The following LRRC63 variants were observed in gnomAD, a reference collection of about 807,000 sequenced individuals.
The protein encoded by LRRC63 is leucine rich repeat containing 63, also known as leucine-rich repeat-containing protein 63.
LRRC63 carries 40 observed loss-of-function variants against 49.5 expected under a neutral mutation model. The ratio of observed to expected loss-of-function variants is 0.81; its 90% CI spans 0.63 to 1.05. The LOEUF (loss-of-function observed/expected upper bound fraction) is 1.05. Ranked by LOEUF, LRRC63 falls within the 50% of genes least tolerant of loss-of-function variation. The pLI is 0.00. For missense variants in LRRC63, 636 were observed against 663.1 expected (o/e 0.96, Z 0.45); for synonymous variants, 191 against 221.1 (o/e 0.86, Z 1.21).
intron 7 of LRRC63, among the ~76,000 whole-genome samples, chr13:46,254,249 G>A (rs2047454285): frequency 6.6e-6 from 1 of 152,090 alleles, no homozygotes; most frequent in African/African-American, 2.4e-5. Context: ...TGTGAGAAGA[G>A]TGATTAGACA....
rs1389692539 is a variant in LRRC63 at position 46,240,765 on chromosome 13, C to T, written c.991-5762C>T. ...ATAAAGAATAAGATCTTTAGGAATA[C>T]AGCTAACCAAGGATGTGAACGATCT... On this transcript the variant is annotated intron_variant, in intron 5 of 9. Coordinates refer to ENST00000595396, the Ensembl canonical transcript of LRRC63. 3.3e-5 allele frequency among the ~76,000 whole-genome samples: 5 copies of T among 152,250 alleles called. No homozygotes were observed. The South Asian group carries it at 8.3e-4, about 25-fold the overall frequency.
chr13:46,257,150 C>G (rs578022912), intron 7 of LRRC63, among the ~76,000 whole-genome samples: 1 of 152,186 alleles, frequency 6.6e-6, no homozygotes, highest in East Asian at 1.9e-4. Context: ...AGGAAGGGAG[C>G]CATGAGTCAA....
At chr13:46,271,467 C>T (rs1405410121) in intron 9 of LRRC63, among the ~76,000 whole-genome samples, 1 of 152,142 alleles carries the variant, frequency 6.6e-6, no homozygotes, top group African/African-American at 2.4e-5. Context: ...ACAAGATGGC[C>T]TTCCCCTCTG....
intron 7 of LRRC63, among the ~76,000 whole-genome samples, chr13:46,253,908 A>G (rs1185977343): frequency 2.6e-5 from 4 of 152,138 alleles, no homozygotes; most frequent in African/African-American, 9.7e-5. Context: ...AGACCTATTA[A>G]CCTCACAGGA....
At chr13:46,232,831 G>T (rs1460563289) in intron 4 of LRRC63, among the ~76,000 whole-genome samples, 2 of 152,096 alleles carry the variant, frequency 1.3e-5, no homozygotes, top group East Asian at 3.8e-4. Flanking sequence ...GTTTCAAATG[G>T]ATTTAAAAGT....
chr13:46,256,461 C>T (rs2047512467), intron 7 of LRRC63, among the ~76,000 whole-genome samples: 1 of 152,174 alleles, frequency 6.6e-6, no homozygotes, highest in African/African-American at 2.4e-5. Context: ...AAGCAGGTGG[C>T]AGAGCTGGGA....
Position 46,214,682 on chromosome 13 carries a change from G to A in LRRC63, c.85+1563G>A, listed in dbSNP as rs151016328. On this transcript the variant is annotated intron_variant, in intron 2 of 9. Transcript: ENST00000595396. ...AAAAAGCAGGATACATGCACAGAAC[G>A]TGCAGGTTTGTTACATAGGTATACA... Among the ~76,000 whole-genome samples, 81 of 150,732 alleles carry A rather than the reference G, an allele frequency of 5.4e-4. No homozygotes were observed. In the East Asian group the frequency reaches 0.013, roughly 24 times the overall value.
In LRRC63 at chr13:46,223,485, T is replaced by G. The variant is rs76616054; in HGVS notation, c.86-4027T>G. On this transcript the variant is annotated intron_variant, in intron 2 of 9. Transcript: ENST00000595396. ...TCTTCTTGGCTGACAGTTTTTTTTG[T>G]TTTTTTTTTTTTTTAATTTCAGCAC... Among the ~76,000 whole-genome samples the G allele has an allele frequency of 6.1e-3, 817 of 133,864 alleles. 26 individuals are homozygous for G. The highest frequency in any genetic ancestry group is 0.047 in the Admixed American group (640 of 13,654). The allele number at this position is 133,864 out of a possible 152,430, so 87.8% of individuals were successfully genotyped here. A position where few individuals can be genotyped will look rare whatever the true frequency, so the allele number is the denominator to read the frequency against.
intron 7 of LRRC63, among the ~76,000 whole-genome samples, chr13:46,259,809 T>C (rs570681829): frequency 6.6e-6 from 1 of 152,308 alleles, no homozygotes; most frequent in East Asian, 1.9e-4. Context: ...TAAATTACCA[T>C]ATAGTAGGCT....
chr13:46,216,415 G>T (rs2046253011), intron 2 of LRRC63, among the ~76,000 whole-genome samples: 1 of 152,152 alleles, frequency 6.6e-6, no homozygotes, highest in Non-Finnish European at 1.5e-5. Flanking sequence ...GTGGCTCTCT[G>T]TTTGTCTGTT....
chr13:46,255,449 A>G (rs931857078), intron 7 of LRRC63, among the ~76,000 whole-genome samples: 1 of 152,002 alleles, frequency 6.6e-6, no homozygotes, highest in Non-Finnish European at 1.5e-5. Context: ...TCTATATTTT[A>G]CTATAACAAA....
Position 46,213,125 on chromosome 13 carries a change from T to C in LRRC63, c.85+6T>C. The C allele has an allele frequency of 6.6e-7, 1 of 1,509,562 alleles. No individual in the cohort carries two copies. Among genetic ancestry groups the C allele is most frequent in the Non-Finnish European group, 9.0e-7 (1 of 1,113,748 alleles). 93.5% of individuals were successfully genotyped at this position (1,509,562 alleles called of 1,614,324 possible). A position where few individuals can be genotyped will look rare whatever the true frequency, so the allele number is the denominator to read the frequency against. On this transcript the variant is annotated splice_donor_region_variant and intron_variant, in intron 2 of 9. Transcript: ENST00000595396. ...TGAGAAAAAAACCCATACAGGTATG[T>C]GTATTAATCAGATATGTGTATTAAC...
At chr13:46,253,502 T>A (rs948541888) in intron 7 of LRRC63, among the ~76,000 whole-genome samples, 6 of 151,886 alleles carry the variant, frequency 4.0e-5, no homozygotes, top group Admixed American at 3.9e-4. Context: ...GAAAAAAAAA[T>A]TGAATCACTA....
intron 2 of LRRC63, among the ~76,000 whole-genome samples, chr13:46,225,932 G>T (rs2046560420): frequency 6.6e-6 from 1 of 151,990 alleles, no homozygotes; most frequent in Non-Finnish European, 1.5e-5. Flanking sequence ...GGAGGGGCCT[G>T]ATCAGTTCTT....
intron 5 of LRRC63, 127 bp from the exon 6 acceptor site, chr13:46,246,400 T>C (rs2047213928): frequency 4.5e-6 from 2 of 443,152 alleles, no homozygotes; most frequent in Non-Finnish European, 7.9e-6. Context: ...ACGAGGAGTA[T>C]AGGCTTGTTA....
exon 3 of LRRC63, chr13:46,227,749 T>C (rs1411524914): frequency 6.4e-7 from 1 of 1,550,552 alleles, no homozygotes; most frequent in Non-Finnish European, 8.7e-7. Flanking sequence ...ACTGGTTCCA[T>C]ATTTTTTCCA....
exon 10 of LRRC63, chr13:46,276,621 A>C: frequency 8.1e-7 from 1 of 1,231,132 alleles, no homozygotes; most frequent in South Asian, 4.1e-5. Context: ...TCATGGTCCC[A>C]AGTTTGGTGA....
exon 2 of LRRC63, chr13:46,213,045 C>A (rs1448569623): frequency 6.5e-7 from 1 of 1,547,676 alleles, no homozygotes; most frequent in African/African-American, 1.4e-5. Flanking sequence ...ATGCAAAAGC[C>A]CCCACTGCTT....
chr13:46,232,756 A>G (rs1258089674), intron 4 of LRRC63, among the ~76,000 whole-genome samples: 2 of 152,166 alleles, frequency 1.3e-5, no homozygotes, highest in East Asian at 3.8e-4. Flanking sequence ...AAAAAATAAA[A>G]TATCTGAAAA....
Sources: allele counts gnomAD v4.1 joint callset (sites outside exome capture counted in the v4.1 genomes callset), GRCh38; gene constraint gnomAD v4.1.1; transcripts MANE v1.5; gene names NCBI Gene and HGNC (gene_info 2026-07-23, HGNC 2026-07-21).